Variants in BPTF observed in about 807,000 individuals in gnomAD.
BPTF encodes bromodomain PHD finger transcription factor, also known as nucleosome-remodeling factor subunit BPTF.
BPTF carries 18 observed loss-of-function variants against 292.5 expected under a neutral mutation model. The ratio of observed to expected loss-of-function variants is 0.06; its 90% CI spans 0.04 to 0.09. The LOEUF (loss-of-function observed/expected upper bound fraction) is 0.09, where lower values mean the gene tolerates loss of function less well. BPTF is among the 10% of genes least tolerant of loss of function. The probability of loss-of-function intolerance (pLI) is 1.00; values close to 1 mark genes in which losing one functional copy is unlikely to be tolerated. For synonymous variants in BPTF, 1,225 were observed against 1,251.9 expected, an observed-to-expected ratio of 0.98 and a Z score of 0.45; for missense variants, 2,726 against 3,498.7, an observed-to-expected ratio of 0.78 and a Z score of 5.57.
chr17:67,855,992 G>C (rs1271970038), intron 2 of BPTF, among the ~76,000 whole-genome samples: 1 of 152,192 alleles, frequency 6.6e-6, no homozygotes, highest in Non-Finnish European at 1.5e-5. Flanking sequence ...CATCCACGAG[G>C]TATTTTTGGT....
intron 24 of BPTF, among the ~76,000 whole-genome samples, chr17:67,961,712 G>A (rs1555684170): frequency 6.6e-6 from 1 of 152,066 alleles, no homozygotes; most frequent in Non-Finnish European, 1.5e-5. Context: ...GGTGGCTAAT[G>A]CCTGTAATCC....
Position 67,946,216 on chromosome 17 carries a change from G to A in BPTF, c.7508G>A (p.Arg2503Lys), listed in dbSNP as rs782695058. ...GCCAGTGTGCAAGAGCAGTTGCAAA[G>A]GGTTCAGCAACTCAGGGATCAGCAG... is the stretch of plus-strand genomic sequence containing the variant. ...QAASVQEQLQ[R>K]VQQLRDQQQK... The change falls in exon 21 of 28, where the codon AGG (arginine) becomes AAG (lysine). Residue 2503 changes from arginine to lysine, a missense_variant. Coordinates refer to ENST00000306378, the MANE Select transcript of BPTF (RefSeq NM_182641.4). The A allele has an allele frequency of 2.5e-6, 4 of 1,614,102 alleles. No homozygotes were observed. The highest frequency in any genetic ancestry group is 2.2e-5 in the South Asian group (2 of 91,092).
intron 1 of BPTF, among the ~76,000 whole-genome samples, chr17:67,840,052 T>C (rs1223582710): frequency 6.6e-6 from 1 of 152,092 alleles, no homozygotes; most frequent in Non-Finnish European, 1.5e-5. Flanking sequence ...CCTCCTTTTA[T>C]GTGCATCTTT....
chr17:67,906,019 T>C (rs2062163793), intron 9 of BPTF, among the ~76,000 whole-genome samples: 1 of 152,120 alleles, frequency 6.6e-6, no homozygotes, highest in African/African-American at 2.4e-5. Context: ...CTGCACGTTG[T>C]GCGCACGTAC....
intron 4 of BPTF, chr17:67,875,430 C>T: frequency 1.7e-6 from 1 of 583,260 alleles, no homozygotes; most frequent in Middle Eastern, 4.4e-4. Context: ...AATCTACTTG[C>T]TTTAAAATGG....
intron 27 of BPTF, chr17:67,977,851 A>G (rs1261985411): frequency 6.6e-6 from 1 of 151,338 alleles, no homozygotes; most frequent in African/African-American, 2.4e-5. Context: ...CTCAAAAAAA[A>G]AAAGTATCTT....
chr17:67,924,584 G>C lies in BPTF; in HGVS notation c.5746G>C (p.Ala1916Pro). 2 of 1,613,660 alleles carry C rather than the reference G, an allele frequency of 1.2e-6. No individual in the cohort carries two copies. Among genetic ancestry groups the C allele is most frequent in the Non-Finnish European group, 1.7e-6 (2 of 1,179,868 alleles). Residue 1916 changes from alanine (A) to proline (P), a missense_variant, in exon 15 of 28, where the codon GCT (alanine) becomes CCT (proline). By Grantham distance (27) the Ala-to-Pro change is conservative. Around this residue, in one of 22 missense-constraint regions of BPTF, gnomAD observed 198 missense variants for 277.1 expected, o/e 0.71. Coordinates refer to ENST00000306378, the MANE Select transcript of BPTF (RefSeq NM_182641.4). ...KEKAQAVEQQ[A>P]KKRLEQQKPT... is the part of the protein sequence containing the mutation. ...AAAGGCACAAGCAGTTGAGCAACAG[G>C]CTAAGGTTAGTGAACAGAAGAAGGC...
chr17:67,843,352 C>A (rs1467576554), intron 1 of BPTF, among the ~76,000 whole-genome samples: 2 of 150,310 alleles, frequency 1.3e-5, no homozygotes, highest in Non-Finnish European at 3.0e-5. Context: ...GGCTGGAGTG[C>A]AGTGGTGTGA....
intron 18 of BPTF, among the ~76,000 whole-genome samples, chr17:67,933,205 C>T (rs142120670): frequency 1.9e-4 from 29 of 151,358 alleles, no homozygotes; most frequent in African/African-American, 7.1e-4. Flanking sequence ...TTGCAGTGAG[C>T]CGAGATTGTG....
At chr17:67,934,025 C>T (rs1257651992) in intron 18 of BPTF, among the ~76,000 whole-genome samples, 1 of 150,930 alleles carries the variant, frequency 6.6e-6, no homozygotes, top group East Asian at 1.9e-4. Flanking sequence ...ACGTGGGCAA[C>T]AAGAGTGAAA....
intron 23 of BPTF, chr17:67,956,318 CA>C (rs1213133363): frequency 1.2e-4 from 11 of 94,614 alleles, no homozygotes; most frequent in African/African-American, 3.9e-4. Context: ...GACTCCATCT[CA>C]AAAAAAAAAA....
intron 1 of BPTF, among the ~76,000 whole-genome samples, chr17:67,852,349 G>C (rs1472423520): frequency 2.0e-5 from 3 of 151,974 alleles, no homozygotes; most frequent in African/African-American, 7.2e-5. Flanking sequence ...AAAGTAAAAA[G>C]AAATTAGTCT....
At chr17:67,893,250 A>G in intron 5 of BPTF, 120 bp from the exon 6 acceptor site, 1 of 698,102 alleles carries the variant, frequency 1.4e-6, no homozygotes, top group Non-Finnish European at 2.5e-6. Flanking sequence ...AAGTTCTATC[A>G]TAAGATTTAT....
intron 1 of BPTF, among the ~76,000 whole-genome samples, chr17:67,851,564 G>T (rs1328515780): frequency 6.6e-6 from 1 of 152,230 alleles, no homozygotes; most frequent in Non-Finnish European, 1.5e-5. Context: ...TAGGAGAGAA[G>T]ATATTAGTAT....
chr17:67,955,123 A>G (rs1248071115), intron 23 of BPTF, among the ~76,000 whole-genome samples: 4 of 151,854 alleles, frequency 2.6e-5, no homozygotes, highest in Non-Finnish European at 5.9e-5. Flanking sequence ...CCTAGTCACT[A>G]CTAAAAAAAA....
intron 13 of BPTF, among the ~76,000 whole-genome samples, chr17:67,920,840 C>G (rs538114391): frequency 6.6e-6 from 1 of 151,464 alleles, no homozygotes; most frequent in Non-Finnish European, 1.5e-5. Flanking sequence ...ATTGTAGTAT[C>G]CAGATTGAAA....
At chr17:67,934,568 T>C (rs2064743075) in intron 18 of BPTF, among the ~76,000 whole-genome samples, 1 of 151,788 alleles carries the variant, frequency 6.6e-6, no homozygotes, top group Non-Finnish European at 1.5e-5. Flanking sequence ...CTAATAATCT[T>C]AACTTGCTTA....
At chr17:67,839,150 A>T (rs2057362057) in intron 1 of BPTF, among the ~76,000 whole-genome samples, 1 of 152,156 alleles carries the variant, frequency 6.6e-6, no homozygotes, top group Admixed American at 6.5e-5. Flanking sequence ...GAAAAAAAAG[A>T]AACAAATTGC....
intron 23 of BPTF, among the ~76,000 whole-genome samples, chr17:67,951,985 G>A (rs185824978): frequency 1.0e-4 from 15 of 150,324 alleles, no homozygotes; most frequent in Admixed American, 2.7e-4. Flanking sequence ...AACCCAGAAG[G>A]TGGAGGTTGC....
Sources: allele counts gnomAD v4.1 joint callset (sites outside exome capture counted in the v4.1 genomes callset), GRCh38; gene constraint gnomAD v4.1.1; regional missense constraint gnomAD v4.1.1; transcripts MANE v1.5; gene names NCBI Gene and HGNC (gene_info 2026-07-23, HGNC 2026-07-21).